Variants in USP10 observed in about 807,000 individuals in gnomAD.
The protein encoded by USP10 is ubiquitin specific peptidase 10.
In USP10, 22 loss-of-function variants were observed where a neutral mutation model predicts 84.5. The ratio of observed to expected loss-of-function variants is 0.26; its 90% CI spans 0.19 to 0.37. The LOEUF (loss-of-function observed/expected upper bound fraction) is 0.37. USP10 is among the 10% of genes least tolerant of loss of function. The pLI is 1.00. For missense variants in USP10, 1,019 were observed against 998.9 expected, an observed-to-expected ratio of 1.02 and a Z score of -0.27; for synonymous variants, 454 against 387.6, an observed-to-expected ratio of 1.17 and a Z score of -2.01.
intron 1 of USP10, among the ~76,000 whole-genome samples, chr16:84,718,717 C>T (rs1907386494): frequency 6.6e-6 from 1 of 151,898 alleles, no homozygotes; most frequent in Admixed American, 6.5e-5. Flanking sequence ...GATTGCGCCA[C>T]TGCACTCCAG....
At chr16:84,731,660 A>G (rs1353549421) in intron 1 of USP10, among the ~76,000 whole-genome samples, 3 of 152,144 alleles carry the variant, frequency 2.0e-5, no homozygotes, top group Non-Finnish European at 2.9e-5. Flanking sequence ...ATGTTGCCCC[A>G]TTGCCTTCCA....
chr16:84,710,966 C>T (rs997897744), intron 1 of USP10, among the ~76,000 whole-genome samples: 2 of 152,220 alleles, frequency 1.3e-5, no homozygotes, highest in Admixed American at 1.3e-4. Flanking sequence ...CATCTCCAGT[C>T]TAGGTTAGGC....
chr16:84,714,291 A>G (rs902666006), intron 1 of USP10, among the ~76,000 whole-genome samples: 41 of 152,254 alleles, frequency 2.7e-4, no homozygotes, highest in African/African-American at 9.4e-4. Context: ...GTGGAATGAC[A>G]CTTGTTTAGT....
At chr16:84,725,970 C>A (rs1908418249) in intron 1 of USP10, among the ~76,000 whole-genome samples, 1 of 152,192 alleles carries the variant, frequency 6.6e-6, no homozygotes, top group Non-Finnish European at 1.5e-5. Flanking sequence ...CCATTTGCCA[C>A]TGTGAGGCTT....
chr16:84,778,198 C>T (rs895447644), intron 13 of USP10, among the ~76,000 whole-genome samples: 12 of 151,808 alleles, frequency 7.9e-5, no homozygotes, highest in African/African-American at 2.7e-4. Flanking sequence ...CTCCGCAGTG[C>T]CCCACCACAG....
At chr16:84,762,535 A>G (rs1567641740) in intron 8 of USP10, among the ~76,000 whole-genome samples, 1 of 152,106 alleles carries the variant, frequency 6.6e-6, no homozygotes, top group Non-Finnish European at 1.5e-5. Context: ...TACTAAAAAT[A>G]CAAAGATTAG....
intron 1 of USP10, among the ~76,000 whole-genome samples, chr16:84,718,811 GAGA>G (rs1391251789): frequency 6.6e-6 from 1 of 151,624 alleles, no homozygotes; most frequent in Non-Finnish European, 1.5e-5. Flanking sequence ...TGTTGTTTTT[GAGA>G]AGGAGTCTTT....
chr16:84,700,239 C>G, intron 1 of USP10, 128 bp downstream of exon 1: 4 of 766,446 alleles, frequency 5.2e-6, no homozygotes, highest in East Asian at 6.4e-5. Flanking sequence ...CTGGGACACG[C>G]TGCCCGGGCC....
intron 4 of USP10, among the ~76,000 whole-genome samples, chr16:84,755,430 C>G (rs572901455): frequency 2.0e-5 from 3 of 151,956 alleles, no homozygotes; most frequent in Non-Finnish European, 4.4e-5. Flanking sequence ...CCTGCACTTG[C>G]TGTCTTCACT....
intron 4 of USP10, among the ~76,000 whole-genome samples, chr16:84,754,638 A>G (rs1369072594): frequency 2.6e-5 from 4 of 152,214 alleles, no homozygotes; most frequent in African/African-American, 9.7e-5. Context: ...TGCGCCTCAA[A>G]ATAAGCAAAC....
Position 84,745,309 on chromosome 16 carries a change from C to A in USP10, c.828C>A (p.Thr276=). The change falls in exon 4 of 14, where the codon ACC becomes ACA. Residue 276 remains threonine, a synonymous_variant. Coordinates refer to ENST00000219473, the MANE Select transcript of USP10 (RefSeq NM_005153.3). ...CTGGGGCTCAGCCCTGCGTTGGTACCGATACTACTGAAAACCTTGGAGTTG... is the reference window on the plus strand; with the variant it reads ...CTGGGGCTCAGCCCTGCGTTGGTACAGATACTACTGAAAACCTTGGAGTTG... The part of the protein sequence containing the change: ...RTAGAQPCVG[T]DTTENLGVAN... 1 of 1,613,018 alleles carries A rather than the reference C, an allele frequency of 6.2e-7. No homozygotes were observed. Among genetic ancestry groups the A allele is most frequent in the Non-Finnish European group, 8.5e-7 (1 of 1,179,712 alleles).
chr16:84,762,954 G>T (rs780917105), intron 8 of USP10, 35 bp from the exon 9 acceptor site: 4 of 1,440,312 alleles, frequency 2.8e-6, no homozygotes, highest in East Asian at 2.3e-5. Flanking sequence ...ACAGTGATCA[G>T]TTCACAGTAA....
intron 1 of USP10, among the ~76,000 whole-genome samples, chr16:84,714,886 A>C (rs1906798508): frequency 6.6e-6 from 1 of 151,048 alleles, no homozygotes; most frequent in Non-Finnish European, 1.5e-5. Context: ...TACATATGAA[A>C]TGTTTGAAAA....
At chr16:84,759,863 C>G (rs1411674206) in intron 6 of USP10, 28 bp from the exon 7 acceptor site, 7 of 1,610,248 alleles carry the variant, frequency 4.3e-6, no homozygotes, top group Non-Finnish European at 5.9e-6. Context: ...TAAAACTGCA[C>G]TATTTAACAT....
intron 1 of USP10, among the ~76,000 whole-genome samples, chr16:84,702,746 A>C (rs968049232): frequency 2.6e-5 from 4 of 152,058 alleles, no homozygotes; most frequent in African/African-American, 9.7e-5. Context: ...TAATCCCAGC[A>C]CTTTGGGAGG....
intron 5 of USP10, 106 bp downstream of exon 5, chr16:84,758,913 G>C (rs1284492272): frequency 2.5e-6 from 2 of 798,858 alleles, no homozygotes; most frequent in Non-Finnish European, 4.4e-6. Flanking sequence ...CTCTCCATTT[G>C]AATCCCTAAG....
chr16:84,763,151 C>T lies in USP10; in HGVS notation c.1654+63C>T, dbSNP rs1311087861. ...GTTCGCTGTAAACAGGTGTTGCATA[C>T]TCATATGTTATGTTGCTTCCCTGCC... On this transcript the variant is annotated intron_variant, in intron 9 of 13. Transcript: ENST00000219473. 3.1e-5 allele frequency: 32 copies of T among 1,023,030 alleles called. 1 individual carries two copies. Among genetic ancestry groups the T allele is most frequent in the African/African-American group, 1.1e-4 (7 of 63,552 alleles). 63.4% of individuals were successfully genotyped at this position (1,023,030 alleles called of 1,614,324 possible). A position where few individuals can be genotyped will look rare whatever the true frequency, so the allele number is the denominator to read the frequency against.
chr16:84,749,529 C>T (rs1407857115), intron 4 of USP10, among the ~76,000 whole-genome samples: 3 of 151,134 alleles, frequency 2.0e-5, no homozygotes, highest in African/African-American at 4.9e-5. Flanking sequence ...AACTTGAGCC[C>T]GGGAGTTCGA....
At chr16:84,775,736 G>A (rs942097631) in intron 13 of USP10, among the ~76,000 whole-genome samples, 3 of 152,188 alleles carry the variant, frequency 2.0e-5, no homozygotes, top group Non-Finnish European at 4.4e-5. Context: ...CTCCCAACAG[G>A]GTGAATGGCA....
Sources: gnomAD v4.1 joint callset for allele counts (sites outside exome capture counted in the v4.1 genomes callset) on GRCh38, gnomAD v4.1.1 for gene constraint, MANE v1.5 for transcripts, NCBI Gene and HGNC (gene_info 2026-07-23, HGNC 2026-07-21) for gene names.